SVIL: variants seen among roughly 807,000 people sequenced by gnomAD.
SVIL encodes the protein archvillin.
In SVIL, 101 loss-of-function variants were observed where a neutral mutation model predicts 240.4. That is an observed-to-expected ratio of 0.42 (90% CI 0.36 to 0.50). SVIL has a LOEUF of 0.50. Among genes scored for constraint, SVIL ranks in the 20% least tolerant of loss-of-function variants. The pLI is 0.01. For missense variants in SVIL, 2,512 were observed against 2,818.7 expected, an observed-to-expected ratio of 0.89 and a Z score of 2.46; for synonymous variants, 999 against 1,100.0, an observed-to-expected ratio of 0.91 and a Z score of 1.82.
intron 2 of SVIL, among the ~76,000 whole-genome samples, chr10:29,683,929 G>C (rs1193265714): frequency 6.6e-6 from 1 of 152,056 alleles, no homozygotes; most frequent in Non-Finnish European, 1.5e-5. Context: ...ATATGCTTGA[G>C]AATAAGCATT....
chr10:29,718,882 G>C (rs562713996), intron 1 of SVIL, among the ~76,000 whole-genome samples: 1 of 152,262 alleles, frequency 6.6e-6, no homozygotes, highest in South Asian at 2.1e-4. Flanking sequence ...GGCCGAGGTG[G>C]GCAGTTTACC....
intron 1 of SVIL, among the ~76,000 whole-genome samples, chr10:29,618,928 C>G (rs751229213): frequency 6.6e-6 from 1 of 152,110 alleles, no homozygotes; most frequent in Non-Finnish European, 1.5e-5. Context: ...AGTGTGGCCA[C>G]CAAGTGCTCC....
At position 29,465,679 on chromosome 10, in the gene SVIL, C is replaced by T. The variant is rs772663424; in HGVS notation, c.6049G>A (p.Glu2017Lys). ...GGGGCTCGGGCAGGGTACACAAACT[C>T]TGTGGCTGCAAAATCCCCAGAGGAG... Reference protein sequence around the residue: ...SSSSGDFAATEFVYPARAPSV... With the variant: ...SSSSGDFAATKFVYPARAPSV... Residue 2017 changes from glutamate (E) to lysine (K), a missense_variant, in exon 34 of 38, where the codon GAG becomes AAG. Transcript: ENST00000355867. 8.7e-6 allele frequency: 14 copies of T among 1,613,612 alleles called. No homozygotes were observed. In the South Asian group the frequency reaches 1.1e-4, roughly 13 times the overall value.
chr10:29,675,052 C>T (rs1469885587), intron 2 of SVIL, among the ~76,000 whole-genome samples: 2 of 152,188 alleles, frequency 1.3e-5, no homozygotes, highest in Non-Finnish European at 1.5e-5. Flanking sequence ...AACATATTCA[C>T]AGCTTCCAGG....
At chr10:29,672,141 C>T (rs1271667467) in intron 2 of SVIL, among the ~76,000 whole-genome samples, 1 of 152,188 alleles carries the variant, frequency 6.6e-6, no homozygotes, top group African/African-American at 2.4e-5. Flanking sequence ...AACCTGTGGG[C>T]CACATCACTG....
chr10:29,485,849 A>C (rs1254637113), intron 26 of SVIL, among the ~76,000 whole-genome samples: 2 of 152,266 alleles, frequency 1.3e-5, no homozygotes, highest in Non-Finnish European at 2.9e-5. Context: ...CTAAGATATA[A>C]AAGCCTTCAA....
At chr10:29,658,563 T>C (rs1264600966) in intron 2 of SVIL, among the ~76,000 whole-genome samples, 1 of 152,126 alleles carries the variant, frequency 6.6e-6, no homozygotes, top group Non-Finnish European at 1.5e-5. Flanking sequence ...TCAAGACCAG[T>C]CTGCAACAAA....
chr10:29,679,141 G>A (rs1485626272), intron 2 of SVIL, among the ~76,000 whole-genome samples: 1 of 152,184 alleles, frequency 6.6e-6, no homozygotes, highest in African/African-American at 2.4e-5. Context: ...AAAGGCAGAG[G>A]CTGCAGTGAG....
chr10:29,697,734 A>G (rs1273668114), intron 1 of SVIL, among the ~76,000 whole-genome samples: 1 of 96,780 alleles, frequency 1.0e-5, no homozygotes, highest in African/African-American at 5.0e-5. Context: ...CCTTCCCTCC[A>G]CTAGTGTCCT....
At chr10:29,693,745 A>G (rs1033438309) in intron 1 of SVIL, among the ~76,000 whole-genome samples, 1 of 152,208 alleles carries the variant, frequency 6.6e-6, no homozygotes, top group African/African-American at 2.4e-5. Flanking sequence ...CTCAAATGTG[A>G]GAAAAGCCAG....
chr10:29,494,929 T>G lies in SVIL; in HGVS notation c.3826A>C (p.Arg1276=), dbSNP rs957687939. ...CAGTAGGTACCTTTGTTATTCAGCC[T>G]TCTTAGAAAGGTTTCCAGCCTGTCC... is the stretch of plus-strand genomic sequence containing the variant. ...KLDRLETFLR[R]LNNKVGGMHE... is the part of the protein sequence containing the mutation. Residue 1276 remains arginine (R), a synonymous_variant, in exon 20 of 38, where the codon AGG becomes CGG. Coordinates refer to ENST00000355867, the MANE Select transcript of SVIL (RefSeq NM_021738.3). 1 of 1,614,002 alleles carries G rather than the reference T, an allele frequency of 6.2e-7. No homozygotes were observed. Among genetic ancestry groups the G allele is most frequent in the African/African-American group, 1.3e-5 (1 of 74,902 alleles).
intron 2 of SVIL, among the ~76,000 whole-genome samples, chr10:29,658,865 A>G (rs1180923115): frequency 1.3e-5 from 2 of 152,236 alleles, no homozygotes; most frequent in Non-Finnish European, 2.9e-5. Flanking sequence ...ACGAAGTTGG[A>G]TGGAACTAAC....
intron 2 of SVIL, among the ~76,000 whole-genome samples, chr10:29,666,150 T>TAA (rs1476958395): frequency 6.6e-6 from 1 of 152,202 alleles, no homozygotes; most frequent in African/African-American, 2.4e-5. Context: ...ACTCCTGGCC[T>TAA]CAAGTGATCC....
At chr10:29,598,752 C>T (rs1195841900) in intron 1 of SVIL, among the ~76,000 whole-genome samples, 1 of 152,184 alleles carries the variant, frequency 6.6e-6, no homozygotes, top group African/African-American at 2.4e-5. Flanking sequence ...GGCCTCCATT[C>T]CTTTTTAGAA....
chr10:29,722,614 C>T (rs71489702), intron 1 of SVIL, among the ~76,000 whole-genome samples: 1,835 of 152,248 alleles, frequency 0.012, 20 homozygotes, highest in Middle Eastern at 0.034. Context: ...AAATAAAAAC[C>T]TGGTGTTTTC....
intron 17 of SVIL, among the ~76,000 whole-genome samples, chr10:29,506,750 A>T (rs553539145): frequency 1.4e-4 from 19 of 139,624 alleles, no homozygotes; most frequent in African/African-American, 2.7e-4. Flanking sequence ...GAGGCCCTAG[A>T]GGGAGGGGAC....
Position 29,488,742 on chromosome 10 carries a change from T to C in SVIL, c.4207A>G (p.Asn1403Asp), listed in dbSNP as rs1213787812. The C allele has an allele frequency of 6.2e-7, 1 of 1,612,418 alleles. No homozygotes were observed. The highest frequency in any genetic ancestry group is 2.2e-5 in the East Asian group (1 of 44,856). The stretch of plus-strand genomic sequence containing the variant: ...CCCGCCAGGGTGACTTCTGAGAAGT[T>C]GGAGTTGGAAGACACTGGGCACGTT... The part of the protein sequence containing the change: ...MKVEKMSSNS[N>D]FSEVTLAGLA... The change falls in exon 23 of 38, where the codon AAC (asparagine) becomes GAC (aspartate). Residue 1403 changes from asparagine to aspartate, a missense_variant. This residue lies in a region of SVIL where 272 missense variants were observed against 406.8 expected (regional missense o/e 0.67). Transcript: ENST00000355867.
At chr10:29,476,891 C>A (rs763294033) in intron 29 of SVIL, among the ~76,000 whole-genome samples, 4 of 152,056 alleles carry the variant, frequency 2.6e-5, no homozygotes, top group Non-Finnish European at 4.4e-5. Context: ...GAGACAGGGT[C>A]TCACCCTGTT....
chr10:29,582,529 G>T (rs1955988682), intron 1 of SVIL, among the ~76,000 whole-genome samples: 1 of 152,084 alleles, frequency 6.6e-6, no homozygotes, highest in Middle Eastern at 3.2e-3. Flanking sequence ...TTGAGACCAG[G>T]AGTTAGAGAC....
Sources: gnomAD v4.1 joint callset for allele counts (sites outside exome capture counted in the v4.1 genomes callset) on GRCh38, gnomAD v4.1.1 for gene constraint, gnomAD v4.1.1 regional missense constraint, MANE v1.5 for transcripts, NCBI Gene and HGNC (gene_info 2026-07-23, HGNC 2026-07-21) for gene names.